The following UBA6 variants were observed in gnomAD, a reference collection of about 807,000 sequenced individuals.
The protein encoded by UBA6 is ubiquitin-like modifier-activating enzyme 6.
Under a neutral mutation model 148.3 loss-of-function variants are expected in UBA6, and 87 were observed. The observed-to-expected ratio is 0.59, with a 90% CI of 0.49 to 0.70. The LOEUF (loss-of-function observed/expected upper bound fraction) is 0.70, where lower values mean the gene tolerates loss of function less well. Ranked by LOEUF, UBA6 falls within the 30% of genes least tolerant of loss-of-function variation. The pLI, the probability that UBA6 is intolerant of heterozygous loss-of-function variation, is 0.00. For synonymous variants in UBA6, 376 were observed against 401.0 expected (o/e 0.94, Z 0.75); for missense variants, 1,186 against 1,241.2 (o/e 0.96, Z 0.67).
At chr4:67,641,756 C>G (rs1394293059) in intron 17 of UBA6, among the ~76,000 whole-genome samples, 3 of 151,742 alleles carry the variant, frequency 2.0e-5, no homozygotes, top group Admixed American at 1.3e-4. Flanking sequence ...AATTGTCTAC[C>G]GCAGTTTTCA....
Position 67,622,926 on chromosome 4 carries a change from C to A in UBA6, c.2929-1G>T. 1.9e-6 allele frequency: 3 copies of A among 1,599,254 alleles called. No individual in the cohort carries two copies. Among genetic ancestry groups the A allele is most frequent in the Non-Finnish European group, 2.6e-6 (3 of 1,173,764 alleles). On this transcript the variant is annotated splice_acceptor_variant, in intron 31 of 32. Coordinates refer to ENST00000322244, the MANE Select transcript of UBA6 (RefSeq NM_018227.6). LOFTEE classifies it high-confidence loss of function. ...TTGTTGGCTCAATTCCATACTTCTC[C>A]TAAAAGTGAATATCCAAAAAAGAAA...
intron 20 of UBA6, among the ~76,000 whole-genome samples, chr4:67,635,079 G>A (rs192048875): frequency 1.2e-4 from 18 of 147,156 alleles, no homozygotes; most frequent in Non-Finnish European, 2.1e-4. Flanking sequence ...TAGGTTTATT[G>A]GTTTACCTAA....
intron 17 of UBA6, among the ~76,000 whole-genome samples, chr4:67,643,453 A>C (rs1460649326): frequency 1.3e-5 from 2 of 151,930 alleles, no homozygotes; most frequent in African/African-American, 4.8e-5. Context: ...GTGGTCTTAA[A>C]TTTGTTATAT....
At chr4:67,637,968 A>ATAAG (rs397993844) in intron 19 of UBA6, among the ~76,000 whole-genome samples, 2 of 151,344 alleles carry the variant, frequency 1.3e-5, no homozygotes, top group East Asian at 1.9e-4. Context: ...AAATAAATAA[A>ATAAG]AAGAAATTTA....
At chr4:67,620,062 C>T (rs1303806806) in intron 32 of UBA6, among the ~76,000 whole-genome samples, 1 of 152,176 alleles carries the variant, frequency 6.6e-6, no homozygotes, top group Non-Finnish European at 1.5e-5. Context: ...TTCCATTTCA[C>T]AAAGATATTT....
At chr4:67,663,441 T>C (rs900505074) in intron 11 of UBA6, 2 of 408,294 alleles carry the variant, frequency 4.9e-6, no homozygotes, top group African/African-American at 4.1e-5. Flanking sequence ...TATTAAAATT[T>C]ACAAATTTGG....
chr4:67,626,757 C>G (rs1728879073), intron 27 of UBA6, among the ~76,000 whole-genome samples: 1 of 151,866 alleles, frequency 6.6e-6, no homozygotes. Context: ...TCCAATATAT[C>G]TAATTTTTAA....
intron 2 of UBA6, among the ~76,000 whole-genome samples, chr4:67,691,851 T>TA (rs1730701602): frequency 6.6e-6 from 1 of 152,148 alleles, no homozygotes; most frequent in Non-Finnish European, 1.5e-5. Flanking sequence ...ATGAAAACCT[T>TA]ACACTTTTTG....
rs374872721 is a variant in UBA6 at position 67,636,529 on chromosome 4, T to C, written c.1737-971A>G. 3.6e-4 allele frequency among the ~76,000 whole-genome samples: 55 copies of C among 152,322 alleles called. 1 individual carries two copies. In the East Asian group the frequency reaches 8.5e-3, roughly 24 times the overall value. ...GCCTCAGCCTGCCTAGTGCCTGCGATTGCAGGCGCGCACCGCCACGCCTGA... is the reference window on the plus strand; with the variant it reads ...GCCTCAGCCTGCCTAGTGCCTGCGACTGCAGGCGCGCACCGCCACGCCTGA... On this transcript the variant is annotated intron_variant, in intron 19 of 32. Transcript: ENST00000322244.
chr4:67,618,109 A>G lies in UBA6; in HGVS notation c.*888T>C, dbSNP rs553617602. The G allele has an allele frequency of 6.6e-6, 1 of 151,974 alleles. No individual in the cohort carries two copies. Among genetic ancestry groups the G allele is most frequent in the East Asian group, 1.9e-4 (1 of 5,178 alleles). The allele number at this position is 151,974 out of a possible 1,614,324, so 9.4% of individuals were successfully genotyped here. ...GGAAAAAAAAAAGACTACCCTAGCAATAATTTTTAACATTCTACATTTCAT... is the reference window on the plus strand; with the variant it reads ...GGAAAAAAAAAAGACTACCCTAGCAGTAATTTTTAACATTCTACATTTCAT... On this transcript the variant is annotated 3_prime_UTR_variant, in exon 33 of 33. Transcript: ENST00000322244.
intron 6 of UBA6, among the ~76,000 whole-genome samples, chr4:67,677,065 G>C (rs1577832592): frequency 6.6e-6 from 1 of 152,292 alleles, no homozygotes; most frequent in East Asian, 1.9e-4. Flanking sequence ...GCTTTAGGAA[G>C]AGTACTTTTC....
At chr4:67,633,770 A>G (rs1729057212) in intron 22 of UBA6, among the ~76,000 whole-genome samples, 1 of 152,132 alleles carries the variant, frequency 6.6e-6, no homozygotes, top group South Asian at 2.1e-4. Flanking sequence ...ACTCACTATA[A>G]GTGCTATGAA....
chr4:67,663,915 C>T lies in UBA6; in HGVS notation c.930G>A (p.Lys310=). ...ESLERQLKHP[K]CLIVDFSNPE... is the part of the protein sequence containing the mutation. ...GGTTGCTAAAATCCACAATAAGGCA[C>T]TTTGGATGTTTTAACTGCCTCTCCA... The change falls in exon 11 of 33, where the codon AAG becomes AAA. Residue 310 remains lysine (K), a synonymous_variant. Coordinates refer to ENST00000322244, the MANE Select transcript of UBA6 (RefSeq NM_018227.6). 6.2e-7 allele frequency: 1 copy of T among 1,613,288 alleles called. No homozygotes were observed.
At chr4:67,632,068 A>T (rs1164564850) in intron 23 of UBA6, among the ~76,000 whole-genome samples, 160 bp from the exon 24 acceptor site, 2 of 152,214 alleles carry the variant, frequency 1.3e-5, no homozygotes, top group Non-Finnish European at 2.9e-5. Context: ...CCACCCTTGT[A>T]TTCCATCTGT....
intron 2 of UBA6, among the ~76,000 whole-genome samples, chr4:67,690,539 T>A (rs1326190588): frequency 1.3e-5 from 2 of 152,066 alleles, no homozygotes; most frequent in Non-Finnish European, 2.9e-5. Flanking sequence ...TTATAAACCA[T>A]GTATGTGATA....
intron 32 of UBA6, 53 bp from the exon 33 acceptor site, chr4:67,619,185 AATG>A (rs769151173): frequency 1.9e-5 from 28 of 1,438,398 alleles, no homozygotes; most frequent in African/African-American, 1.8e-4. Context: ...AAAATGAAAA[AATG>A]ATTTGCTGAC....
chr4:67,639,150 A>C lies in UBA6; in HGVS notation c.1555-26T>G, dbSNP rs1337093752. On this transcript the variant is annotated intron_variant, in intron 18 of 32. Transcript: ENST00000322244. ...CTAAACAAATAATATAAGCAGAAGG[A>C]ATATGTTAAACAACAAAAAAAGGAC... The C allele has an allele frequency of 2.5e-6, 4 of 1,569,046 alleles. No individual in the cohort carries two copies. In the African/African-American group the frequency reaches 4.1e-5, roughly 16 times the overall value.
intron 2 of UBA6, among the ~76,000 whole-genome samples, chr4:67,690,799 A>G (rs1348012522): frequency 6.6e-6 from 1 of 152,114 alleles, no homozygotes; most frequent in African/African-American, 2.4e-5. Context: ...ACAAAACATA[A>G]CAAGTATTGG....
chr4:67,636,468 T>C (rs1163715696), intron 19 of UBA6, among the ~76,000 whole-genome samples: 1 of 152,214 alleles, frequency 6.6e-6, no homozygotes, highest in African/African-American at 2.4e-5. Context: ...ACTGCTGCCA[T>C]CTCAGCTCAC....
Sources: allele counts gnomAD v4.1 joint callset (sites outside exome capture counted in the v4.1 genomes callset), GRCh38; gene constraint gnomAD v4.1.1; transcripts MANE v1.5; gene names NCBI Gene and HGNC (gene_info 2026-07-23, HGNC 2026-07-21).